The following TRPM3 variants were observed in gnomAD, a reference collection of about 807,000 sequenced individuals.
TRPM3 encodes the protein long transient receptor potential channel 3.
In TRPM3, 77 loss-of-function variants were observed where a neutral mutation model predicts 181.2. The observed-to-expected ratio is 0.42, with a 90% confidence interval of 0.35 to 0.51. TRPM3 has a LOEUF of 0.51. Among genes scored for constraint, TRPM3 ranks in the 20% least tolerant of loss-of-function variants. TRPM3 has a pLI of 0.01. For missense variants in TRPM3, 1,759 were observed against 2,196.7 expected (o/e 0.80, Z 3.98); for synonymous variants, 745 against 796.4 (o/e 0.94, Z 1.09).
intron 1 of TRPM3, among the ~76,000 whole-genome samples, chr9:71,411,955 C>T (rs1431545959): frequency 2.0e-5 from 3 of 152,136 alleles, no homozygotes; most frequent in Non-Finnish European, 2.9e-5. Context: ...ACATCTACAA[C>T]CATCTGATCT....
intron 1 of TRPM3, among the ~76,000 whole-genome samples, chr9:71,110,543 T>A (rs770350054): frequency 6.6e-6 from 1 of 152,170 alleles, no homozygotes; most frequent in Admixed American, 6.6e-5. Context: ...TACAATAGAC[T>A]ACATGAGCAG....
chr9:70,608,879 G>C (rs1214574700), intron 19 of TRPM3, among the ~76,000 whole-genome samples: 2 of 152,084 alleles, frequency 1.3e-5, no homozygotes, highest in Non-Finnish European at 2.9e-5. Flanking sequence ...TAGTTGTTAG[G>C]ATTACAAAGA....
At chr9:70,875,957 A>G (rs1005247457) in intron 1 of TRPM3, among the ~76,000 whole-genome samples, 9 of 151,868 alleles carry the variant, frequency 5.9e-5, no homozygotes, top group African/African-American at 1.7e-4. Flanking sequence ...CAAATTACTA[A>G]ATTGTTAGGT....
intron 1 of TRPM3, among the ~76,000 whole-genome samples, chr9:71,182,016 T>C (rs755965989): frequency 2.0e-4 from 30 of 152,258 alleles, no homozygotes; most frequent in South Asian, 4.1e-4. Flanking sequence ...TGTTAAATAA[T>C]GGAAACCCCG....
intron 1 of TRPM3, among the ~76,000 whole-genome samples, chr9:71,099,328 T>C (rs2067886132): frequency 6.6e-6 from 1 of 152,116 alleles, no homozygotes; most frequent in African/African-American, 2.4e-5. Context: ...TCCCCAAAGA[T>C]TCCACCTTCT....
chr9:71,081,949 C>T (rs527790192), intron 1 of TRPM3, among the ~76,000 whole-genome samples: 8 of 151,886 alleles, frequency 5.3e-5, no homozygotes, highest in African/African-American at 1.7e-4. Context: ...TACCTACCCA[C>T]CAATCTTTTA....
At chr9:71,272,965 C>T (rs189157284) in intron 1 of TRPM3, among the ~76,000 whole-genome samples, 209 of 151,874 alleles carry the variant, frequency 1.4e-3, no homozygotes, top group African/African-American at 4.0e-3. Context: ...ACCTTCGCCT[C>T]CCGGGTTCAA....
intron 7 of TRPM3, among the ~76,000 whole-genome samples, chr9:70,765,312 C>T (rs142750692): frequency 2.6e-5 from 4 of 152,258 alleles, no homozygotes; most frequent in African/African-American, 7.2e-5. Flanking sequence ...ATTTGCGGGC[C>T]GGGTTTGGTG....
At chr9:71,201,034 G>T (rs1378517275) in intron 1 of TRPM3, among the ~76,000 whole-genome samples, 2 of 152,020 alleles carry the variant, frequency 1.3e-5, no homozygotes, top group Non-Finnish European at 2.9e-5. Context: ...TCCATGTTTA[G>T]TGCTTCCTTC....
At chr9:71,431,453 G>T (rs899670802) in intron 1 of TRPM3, among the ~76,000 whole-genome samples, 25 of 152,082 alleles carry the variant, frequency 1.6e-4, no homozygotes, top group Admixed American at 5.9e-4. Context: ...TTGCAGGCCT[G>T]CAGACAATAT....
At chr9:71,231,009 CT>C (rs1311415379) in intron 1 of TRPM3, among the ~76,000 whole-genome samples, 1 of 152,094 alleles carries the variant, frequency 6.6e-6, no homozygotes, top group African/African-American at 2.4e-5. Flanking sequence ...CCAGTTTTTC[CT>C]AGCTAAATAA....
chr9:70,838,516 T>C (rs1035104695), intron 5 of TRPM3, among the ~76,000 whole-genome samples: 3 of 152,170 alleles, frequency 2.0e-5, no homozygotes, highest in Non-Finnish European at 2.9e-5. Context: ...CATTTTGTTA[T>C]AGAAACCTGA....
intron 9 of TRPM3, among the ~76,000 whole-genome samples, chr9:70,649,757 A>C (rs1342032674): frequency 2.0e-5 from 3 of 152,188 alleles, no homozygotes; most frequent in Non-Finnish European, 4.4e-5. Flanking sequence ...AGCAGTCCAG[A>C]GATATCTCAA....
chr9:71,338,577 G>C lies in TRPM3; in HGVS notation c.183+108076C>G, dbSNP rs77574689. Among the ~76,000 whole-genome samples, 389 of 152,216 alleles carry C rather than the reference G, an allele frequency of 2.6e-3. 4 individuals are homozygous for C. The highest frequency in any genetic ancestry group is 9.0e-3 in the African/African-American group (373 of 41,548). ...GAAAAGATGAATGTATGAGTAATGAGAGATGGGGATCTCAGAAGAGATATG... is the reference window on the plus strand; with the variant it reads ...GAAAAGATGAATGTATGAGTAATGACAGATGGGGATCTCAGAAGAGATATG... On this transcript the variant is annotated intron_variant, in intron 1 of 24. Coordinates refer to the TRPM3 transcript ENST00000357533.
intron 5 of TRPM3, chr9:70,842,775 T>C: frequency 2.1e-6 from 1 of 471,724 alleles, no homozygotes; most frequent in Non-Finnish European, 3.7e-6. Context: ...GGGTAGGTGG[T>C]AAGTCTTACT....
chr9:71,259,347 A>G (rs2082883904), intron 1 of TRPM3, among the ~76,000 whole-genome samples: 1 of 152,234 alleles, frequency 6.6e-6, no homozygotes, highest in Non-Finnish European at 1.5e-5. Context: ...TAGTGCTTCA[A>G]TAAACATACA....
chr9:70,637,795 T>C (rs2057450867), intron 11 of TRPM3, among the ~76,000 whole-genome samples: 1 of 152,076 alleles, frequency 6.6e-6, no homozygotes, highest in Non-Finnish European at 1.5e-5. Flanking sequence ...AGACAGAAGC[T>C]TGGGTTCGGT....
chr9:70,781,326 TAA>T (rs35173071), intron 7 of TRPM3, among the ~76,000 whole-genome samples: 39,090 of 105,522 alleles, frequency 0.37, 5,938 homozygotes, highest in South Asian at 0.44. Context: ...TTCCATTTCA[TAA>T]AAAAAAAAAA....
chr9:71,061,634 T>C (rs1295679440), intron 1 of TRPM3, among the ~76,000 whole-genome samples: 2 of 152,070 alleles, frequency 1.3e-5, no homozygotes, highest in Non-Finnish European at 2.9e-5. Context: ...CCAATAAAAA[T>C]TGAGGTACTC....
Sources: gnomAD v4.1 joint callset for allele counts (sites outside exome capture counted in the v4.1 genomes callset) on GRCh38, gnomAD v4.1.1 for gene constraint, MANE v1.5 for transcripts, NCBI Gene and HGNC (gene_info 2026-07-23, HGNC 2026-07-21) for gene names.